The following NKAIN2 variants were observed in gnomAD, a reference collection of about 807,000 sequenced individuals.
NKAIN2 encodes the protein sodium/potassium transporting ATPase interacting 2, also known as sodium/potassium-transporting ATPase subunit beta-1-interacting protein 2.
NKAIN2 carries 14 observed loss-of-function variants against 32.6 expected under a neutral mutation model. The ratio of observed to expected loss-of-function variants is 0.43; its 90% CI spans 0.28 to 0.67. The LOEUF (loss-of-function observed/expected upper bound fraction) is 0.67. NKAIN2 is among the 30% of genes least tolerant of loss of function. The pLI is 0.17. For synonymous variants in NKAIN2, 80 were observed against 87.2 expected (o/e 0.92, Z 0.46); for missense variants, 198 against 258.3 (o/e 0.77, Z 1.60).
intron 1 of NKAIN2, among the ~76,000 whole-genome samples, chr6:124,169,113 A>G (rs906514492): frequency 1.3e-5 from 2 of 152,270 alleles, no homozygotes; most frequent in Non-Finnish European, 2.9e-5. Flanking sequence ...AGACACATAT[A>G]TGTACATTTA....
At chr6:124,345,010 A>C (rs1798333329) in intron 2 of NKAIN2, among the ~76,000 whole-genome samples, 1 of 152,170 alleles carries the variant, frequency 6.6e-6, no homozygotes, top group Non-Finnish European at 1.5e-5. Flanking sequence ...ACGTCCCATC[A>C]ATACCTAATT....
intron 3 of NKAIN2, among the ~76,000 whole-genome samples, chr6:124,505,847 C>A (rs1259188503): frequency 6.6e-6 from 1 of 152,062 alleles, no homozygotes; most frequent in Non-Finnish European, 1.5e-5. Context: ...CAACACCACA[C>A]CTCTAATGAC....
intron 3 of NKAIN2, among the ~76,000 whole-genome samples, chr6:124,450,102 G>C (rs1776040386): frequency 6.6e-6 from 1 of 151,922 alleles, no homozygotes; most frequent in South Asian, 2.1e-4. Context: ...CTTGAAATGG[G>C]ACAAAACAAA....
At chr6:124,772,966 G>C (rs971484516) in intron 4 of NKAIN2, among the ~76,000 whole-genome samples, 4 of 151,248 alleles carry the variant, frequency 2.6e-5, no homozygotes, top group African/African-American at 9.7e-5. Flanking sequence ...GAATCTAAAA[G>C]AAAGAAAAAG....
intron 4 of NKAIN2, among the ~76,000 whole-genome samples, chr6:124,708,449 G>A (rs891284714): frequency 2.6e-5 from 4 of 151,944 alleles, no homozygotes; most frequent in Non-Finnish European, 5.9e-5. Context: ...GCCATTTTCA[G>A]GATATTGATT....
intron 3 of NKAIN2, among the ~76,000 whole-genome samples, chr6:124,406,857 T>G (rs990794481): frequency 9.2e-5 from 14 of 152,134 alleles, no homozygotes; most frequent in African/African-American, 1.9e-4. Context: ...AGTGCTACTT[T>G]CCATCTATAT....
chr6:124,248,416 G>A (rs951571004), intron 1 of NKAIN2, among the ~76,000 whole-genome samples: 1 of 151,672 alleles, frequency 6.6e-6, no homozygotes, highest in African/African-American at 2.4e-5. Flanking sequence ...CCCCCCCACC[G>A]AACCTTTTCC....
chr6:124,038,776 C>G (rs1179354950), intron 1 of NKAIN2, among the ~76,000 whole-genome samples: 1 of 152,094 alleles, frequency 6.6e-6, no homozygotes, highest in African/African-American at 2.4e-5. Context: ...CAAGAAGTTT[C>G]ATTTTAATAT....
chr6:124,823,683 A>C lies in NKAIN2; in HGVS notation c.*454A>C, dbSNP rs192027726. 1.5e-3 allele frequency: 245 copies of C among 160,984 alleles called. No individual in the cohort carries two copies. The highest frequency in any genetic ancestry group is 3.4e-3 in the Admixed American group (57 of 16,548). 10.0% of individuals were successfully genotyped at this position (160,984 alleles called of 1,614,324 possible). Reference sequence around the variant, plus strand: ...CATCTTGACAGCACCACGGCTACTTAGGCAATGTAATTGCAAAAACAAACG... The same window carrying C: ...CATCTTGACAGCACCACGGCTACTTCGGCAATGTAATTGCAAAAACAAACG... On this transcript the variant is annotated 3_prime_UTR_variant, in exon 7 of 7. Transcript: ENST00000368417.
At chr6:124,027,490 C>CTTAG in intron 1 of NKAIN2, among the ~76,000 whole-genome samples, 1 of 152,264 alleles carries the variant, frequency 6.6e-6, no homozygotes, top group East Asian at 1.9e-4. Context: ...TATCCCCTGC[C>CTTAG]TTAGCCCTTT....
intron 1 of NKAIN2, among the ~76,000 whole-genome samples, chr6:123,956,732 G>T (rs1435821081): frequency 1.3e-5 from 2 of 152,080 alleles, no homozygotes; most frequent in Non-Finnish European, 2.9e-5. Context: ...GAATTTCCTG[G>T]GAGTAACAGT....
At chr6:124,520,302 T>A (rs1041558667) in intron 3 of NKAIN2, among the ~76,000 whole-genome samples, 3 of 152,184 alleles carry the variant, frequency 2.0e-5, no homozygotes, top group African/African-American at 7.2e-5. Flanking sequence ...CCTGTTAACA[T>A]CATACTTGAT....
chr6:124,625,057 T>TAA (rs1199668210), intron 3 of NKAIN2, among the ~76,000 whole-genome samples: 3 of 152,304 alleles, frequency 2.0e-5, no homozygotes, highest in African/African-American at 4.8e-5. Flanking sequence ...TCTAAAATAC[T>TAA]AAGTAGGAAG....
intron 1 of NKAIN2, among the ~76,000 whole-genome samples, chr6:124,053,954 G>T (rs1782524944): frequency 6.6e-6 from 1 of 151,988 alleles, no homozygotes; most frequent in Admixed American, 6.6e-5. Flanking sequence ...ATTGGAAGAT[G>T]GTACAGTCTA....
chr6:124,253,882 G>C lies in NKAIN2; in HGVS notation c.55-29123G>C, dbSNP rs572791208. ...GAGTCTTACTCTGTCACCCAGGCTG[G>C]AGTGTAGTTGCATAAACCTCCACTC... On this transcript the variant is annotated intron_variant, in intron 1 of 6. Transcript: ENST00000368417. Among the ~76,000 whole-genome samples the C allele has an allele frequency of 1.2e-4, 18 of 149,288 alleles. No homozygotes were observed. The South Asian group carries it at 3.8e-3, about 32-fold the overall frequency.
chr6:124,376,201 C>T (rs1799982829), intron 3 of NKAIN2, among the ~76,000 whole-genome samples: 1 of 152,052 alleles, frequency 6.6e-6, no homozygotes, highest in African/African-American at 2.4e-5. Flanking sequence ...ATATCATATC[C>T]ACTTCCTTTC....
At chr6:124,320,568 A>G (rs1269515538) in intron 2 of NKAIN2, among the ~76,000 whole-genome samples, 2 of 152,158 alleles carry the variant, frequency 1.3e-5, no homozygotes, top group Non-Finnish European at 2.9e-5. Context: ...ATCTCTTACA[A>G]TAGATTGTGA....
chr6:124,761,360 A>G (rs1473476276), intron 4 of NKAIN2, among the ~76,000 whole-genome samples: 2 of 152,148 alleles, frequency 1.3e-5, no homozygotes, highest in Admixed American at 6.5e-5. Context: ...TACTCAGATG[A>G]TGCTATTACT....
At chr6:123,986,180 T>C (rs1562293378) in intron 1 of NKAIN2, among the ~76,000 whole-genome samples, 2 of 152,160 alleles carry the variant, frequency 1.3e-5, no homozygotes, top group African/African-American at 2.4e-5. Flanking sequence ...AATTATAAAG[T>C]TGAAGTCTAA....
Sources: gnomAD v4.1 joint callset for allele counts (sites outside exome capture counted in the v4.1 genomes callset) on GRCh38, gnomAD v4.1.1 for gene constraint, MANE v1.5 for transcripts, NCBI Gene and HGNC (gene_info 2026-07-23, HGNC 2026-07-21) for gene names.